PDZRN4: variants seen among roughly 807,000 people sequenced by gnomAD.
The protein encoded by PDZRN4 is PDZ domain containing ring finger 4.
PDZRN4 carries 70 observed loss-of-function variants against 99.0 expected under a neutral mutation model. The ratio of observed to expected loss-of-function variants is 0.71; its 90% confidence interval spans 0.58 to 0.86. The LOEUF is 0.86. Among genes scored for constraint, PDZRN4 ranks in the 40% least tolerant of loss-of-function variants. The pLI, the probability that PDZRN4 is intolerant of heterozygous loss-of-function variation, is 0.00. For missense variants in PDZRN4, 1,474 were observed against 1,331.2 expected (o/e 1.11, Z -1.67); for synonymous variants, 551 against 501.6 (o/e 1.10, Z -1.32).
At chr12:41,567,587 TA>T (rs1232858171) in intron 8 of PDZRN4, among the ~76,000 whole-genome samples, 195 bp from the exon 9 acceptor site, 1 of 147,834 alleles carries the variant, frequency 6.8e-6, no homozygotes, top group East Asian at 2.0e-4. Flanking sequence ...CAGGAAAGGA[TA>T]AAAGGCATAA....
chr12:41,475,255 A>G (rs1467607057), intron 3 of PDZRN4, among the ~76,000 whole-genome samples: 1 of 152,192 alleles, frequency 6.6e-6, no homozygotes, highest in Non-Finnish European at 1.5e-5. Flanking sequence ...CTATAAGGAA[A>G]ATTGTAGAAA....
chr12:41,528,754 TC>T (rs1186447088), intron 5 of PDZRN4, among the ~76,000 whole-genome samples: 1 of 152,222 alleles, frequency 6.6e-6, no homozygotes, highest in Admixed American at 6.5e-5. Flanking sequence ...TCCTTTACTT[TC>T]CGGCACACAG....
At chr12:41,371,675 A>G (rs1208799236) in intron 3 of PDZRN4, among the ~76,000 whole-genome samples, 1 of 152,020 alleles carries the variant, frequency 6.6e-6, no homozygotes, top group African/African-American at 2.4e-5. Flanking sequence ...CCAAATGTTT[A>G]TTTGTTTGTT....
chr12:41,350,161 T>A (rs1312008674), intron 3 of PDZRN4, among the ~76,000 whole-genome samples: 1 of 152,072 alleles, frequency 6.6e-6, no homozygotes, highest in Non-Finnish European at 1.5e-5. Flanking sequence ...CTGTGTTCAA[T>A]GCTGGGATTA....
At chr12:41,497,324 TA>T in intron 3 of PDZRN4, among the ~76,000 whole-genome samples, 1 of 152,288 alleles carries the variant, frequency 6.6e-6, no homozygotes. Flanking sequence ...AATTTGAGTT[TA>T]TTTCAAGTGT....
intron 3 of PDZRN4, among the ~76,000 whole-genome samples, chr12:41,324,768 T>C (rs2120980148): frequency 6.6e-6 from 1 of 152,216 alleles, no homozygotes; most frequent in East Asian, 1.9e-4. Flanking sequence ...AAGTGTGAAT[T>C]GAAAAGTGCT....
intron 3 of PDZRN4, among the ~76,000 whole-genome samples, chr12:41,410,163 T>C (rs1952384923): frequency 6.6e-6 from 1 of 152,184 alleles, no homozygotes; most frequent in South Asian, 2.1e-4. Flanking sequence ...ATTTTAAAAA[T>C]GTGAACAATA....
At chr12:41,465,966 A>G (rs572220931) in intron 3 of PDZRN4, among the ~76,000 whole-genome samples, 2 of 152,256 alleles carry the variant, frequency 1.3e-5, no homozygotes, top group South Asian at 4.1e-4. Flanking sequence ...CTTGTCCAGT[A>G]CCACTGTCTG....
chr12:41,268,329 T>C (rs1196795363), intron 3 of PDZRN4, among the ~76,000 whole-genome samples: 1 of 152,224 alleles, frequency 6.6e-6, no homozygotes, highest in Non-Finnish European at 1.5e-5. Flanking sequence ...GTCCTTCATA[T>C]TGTGTTGCCT....
intron 5 of PDZRN4, among the ~76,000 whole-genome samples, chr12:41,514,146 A>G (rs914286632): frequency 3.2e-4 from 48 of 152,088 alleles, no homozygotes; most frequent in Non-Finnish European, 2.2e-4. Context: ...GAGGATAAAT[A>G]TATGTCAGAG....
chr12:41,377,569 C>A (rs1952091429), intron 3 of PDZRN4, among the ~76,000 whole-genome samples: 1 of 151,904 alleles, frequency 6.6e-6, no homozygotes, highest in Admixed American at 6.6e-5. Flanking sequence ...GAGGCTGAAG[C>A]AGGAGAATGG....
chr12:41,314,078 T>C (rs1385369928), intron 3 of PDZRN4, among the ~76,000 whole-genome samples: 1 of 152,202 alleles, frequency 6.6e-6, no homozygotes, highest in South Asian at 2.1e-4. Flanking sequence ...GTTAATAATT[T>C]GATGGCTCTA....
intron 7 of PDZRN4, among the ~76,000 whole-genome samples, chr12:41,563,298 C>T (rs930920716): frequency 1.3e-5 from 2 of 152,086 alleles, no homozygotes; most frequent in African/African-American, 4.8e-5. Context: ...ATGTATGTTG[C>T]CAGGGCGCAG....
intron 3 of PDZRN4, among the ~76,000 whole-genome samples, chr12:41,390,731 T>A (rs141564585): frequency 6.6e-6 from 1 of 152,216 alleles, no homozygotes; most frequent in East Asian, 1.9e-4. Context: ...AACAGTGGTC[T>A]GCAGGAGGTA....
chr12:41,254,525 T>C (rs2120815955), intron 3 of PDZRN4, among the ~76,000 whole-genome samples: 1 of 152,314 alleles, frequency 6.6e-6, no homozygotes. Flanking sequence ...GAATAAGATA[T>C]ATGTAAAAGC....
intron 3 of PDZRN4, among the ~76,000 whole-genome samples, chr12:41,497,807 G>GA (rs1368498958): frequency 6.6e-6 from 1 of 151,762 alleles, no homozygotes; most frequent in African/African-American, 2.4e-5. Flanking sequence ...TGCACACAGA[G>GA]AAAAAAAGAC....
chr12:41,491,679 G>A (rs973447608), intron 3 of PDZRN4, among the ~76,000 whole-genome samples: 20 of 152,210 alleles, frequency 1.3e-4, no homozygotes, highest in African/African-American at 4.8e-4. Flanking sequence ...TTCTAAAAAA[G>A]ACAAGACTAT....
intron 5 of PDZRN4, among the ~76,000 whole-genome samples, chr12:41,522,034 G>A (rs1397754179): frequency 6.6e-6 from 1 of 152,048 alleles, no homozygotes; most frequent in African/African-American, 2.4e-5. Context: ...CAGCCAGGAA[G>A]TTCATAATCC....
chr12:41,559,207 G>A (rs763609626), intron 7 of PDZRN4, among the ~76,000 whole-genome samples: 1 of 150,312 alleles, frequency 6.7e-6, no homozygotes, highest in Non-Finnish European at 1.5e-5. Flanking sequence ...ACACACACAC[G>A]TGCTGTCACA....
Sources: allele counts gnomAD v4.1 joint callset (sites outside exome capture counted in the v4.1 genomes callset), GRCh38; gene constraint gnomAD v4.1.1; transcripts MANE v1.5; gene names NCBI Gene and HGNC (gene_info 2026-07-23, HGNC 2026-07-21).